DRC2: variants seen among roughly 807,000 people sequenced by gnomAD.
The protein encoded by DRC2 is coiled-coil domain containing 65.
At chr12:48,921,479 C>A in the DRC2 span, 1 of 1,552,656 alleles carries the variant, frequency 6.4e-7, no homozygotes, top group Non-Finnish European at 8.7e-7. Context: ...TCTTCCACAA[C>A]CTGTGATCTA....
At chr12:48,917,171 C>T in the DRC2 span, 9 of 1,590,972 alleles carry the variant, frequency 5.7e-6, no homozygotes, top group South Asian at 1.1e-5. Context: ...CTCAAGGAGG[C>T]TGGGCACAGT....
chr12:48,918,531 G>A, the DRC2 span: 1 of 1,563,794 alleles, frequency 6.4e-7, no homozygotes, highest in Non-Finnish European at 8.7e-7. Context: ...CCCCTCTTTT[G>A]CTTCCCCTTG....
At chr12:48,916,373 G>A in the DRC2 span, among the ~76,000 whole-genome samples, 81 of 137,634 alleles carry the variant, frequency 5.9e-4, no homozygotes, top group Middle Eastern at 0.016. Context: ...CGAGGCTGGC[G>A]GATCACTCGC....
At chr12:48,907,112 G>A in the DRC2 span, among the ~76,000 whole-genome samples, 4 of 152,062 alleles carry the variant, frequency 2.6e-5, no homozygotes, top group East Asian at 5.8e-4. Context: ...CTACTCGGGA[G>A]GCTGAGGCGG....
chr12:48,906,512 G>A, the DRC2 span, among the ~76,000 whole-genome samples: 3 of 151,226 alleles, frequency 2.0e-5, no homozygotes, highest in Non-Finnish European at 2.9e-5. Flanking sequence ...TTAAACTCCC[G>A]ACCTCAGGTG....
chr12:48,916,868 A>G, the DRC2 span: 4 of 1,091,558 alleles, frequency 3.7e-6, no homozygotes, highest in East Asian at 7.5e-5. Flanking sequence ...TCAGTACCTA[A>G]GAGTTTGTAC....
chr12:48,918,775 G>C, the DRC2 span: 1 of 1,614,066 alleles, frequency 6.2e-7, no homozygotes, highest in Non-Finnish European at 8.5e-7. Flanking sequence ...CAAGGAATTG[G>C]TCCTTGTACA....
chr12:48,920,467 A>AAAAAAAAAAAAAT, the DRC2 span, among the ~76,000 whole-genome samples: 2 of 145,018 alleles, frequency 1.4e-5, no homozygotes, highest in Non-Finnish European at 3.0e-5. Context: ...AAAAAAAAAA[A>AAAAAAAAAAAAAT]GAATGAGAGA....
At chr12:48,904,363 G>A in the DRC2 span, 2 of 1,613,934 alleles carry the variant, frequency 1.2e-6, no homozygotes, top group South Asian at 2.2e-5. Flanking sequence ...AAATGGCCAA[G>A]ACGCCCCTGT....
At chr12:48,911,595 G>A in the DRC2 span, among the ~76,000 whole-genome samples, 1 of 146,384 alleles carries the variant, frequency 6.8e-6, no homozygotes, top group African/African-American at 2.4e-5. Flanking sequence ...GGGTCTGGAT[G>A]TAGTGATCCG....
At chr12:48,921,274 A>G in the DRC2 span, 19 of 1,614,232 alleles carry the variant, frequency 1.2e-5, no homozygotes, top group Admixed American at 2.2e-4. Flanking sequence ...CTAGATATCA[A>G]TGGGAAGCTG....
At chr12:48,912,404 C>T in the DRC2 span, among the ~76,000 whole-genome samples, 1 of 131,404 alleles carries the variant, frequency 7.6e-6, no homozygotes, top group Non-Finnish European at 1.5e-5. Context: ...CGCTCCAGCA[C>T]TCCAGCCTGG....
the DRC2 span, chr12:48,914,428 G>T: frequency 1.2e-6 from 2 of 1,612,758 alleles, no homozygotes; most frequent in Non-Finnish European, 1.7e-6. Flanking sequence ...CCTGTCCGAA[G>T]CCGAGGAGCA....
chr12:48,918,887 G>A, the DRC2 span: 17 of 1,613,114 alleles, frequency 1.1e-5, no homozygotes, highest in South Asian at 4.4e-5. Context: ...AAGGCCCTGA[G>A]AAAGATTGTT....
At chr12:48,920,045 C>T in the DRC2 span, among the ~76,000 whole-genome samples, 3 of 141,394 alleles carry the variant, frequency 2.1e-5, no homozygotes, top group East Asian at 2.2e-4. Flanking sequence ...CCTGGGACAT[C>T]GCGGCTGCAG....
chr12:48,916,709 A>G, the DRC2 span, among the ~76,000 whole-genome samples: 4 of 152,164 alleles, frequency 2.6e-5, no homozygotes, highest in Non-Finnish European at 5.9e-5. Flanking sequence ...GGCAGGGAAC[A>G]GGGATGGGAG....
chr12:48,907,620 C>G, the DRC2 span, among the ~76,000 whole-genome samples: 24 of 152,338 alleles, frequency 1.6e-4, no homozygotes, highest in African/African-American at 5.5e-4. Context: ...CCCACAGCAT[C>G]TGATTTCTAC....
chr12:48,913,921 CAG>C, the DRC2 span, among the ~76,000 whole-genome samples: 1 of 137,704 alleles, frequency 7.3e-6, no homozygotes, highest in African/African-American at 2.6e-5. Flanking sequence ...CCACCGTGCC[CAG>C]TCTTTTTTTT....
the DRC2 span, among the ~76,000 whole-genome samples, chr12:48,908,020 A>C: frequency 1.3e-5 from 2 of 152,124 alleles, no homozygotes; most frequent in Non-Finnish European, 2.9e-5. Context: ...ATCATAGCTC[A>C]CTACACTCAA....
Sources: allele counts gnomAD v4.1 joint callset (sites outside exome capture counted in the v4.1 genomes callset), GRCh38; gene constraint gnomAD v4.1.1; transcripts MANE v1.5; gene names NCBI Gene and HGNC (gene_info 2026-07-23, HGNC 2026-07-21).